NAT8L: variants seen among roughly 807,000 people sequenced by gnomAD.
NAT8L encodes aspartate N-acetyltransferase, also known as N-acetylaspartate synthetase.
In NAT8L, 6 loss-of-function variants were observed where a neutral mutation model predicts 21.2. The ratio of observed to expected loss-of-function variants is 0.28; its 90% CI spans 0.16 to 0.56. NAT8L has a LOEUF of 0.56. Ranked by LOEUF, NAT8L falls within the 20% of genes least tolerant of loss-of-function variation. NAT8L has a pLI of 0.93. For synonymous variants in NAT8L, 239 were observed against 204.9 expected, an observed-to-expected ratio of 1.17 and a Z score of -1.42; for missense variants, 331 against 433.3, an observed-to-expected ratio of 0.76 and a Z score of 2.10.
chr4:2,059,988 A>C lies in NAT8L; in HGVS notation c.376+101A>C. On this transcript the variant is annotated intron_variant, in intron 1 of 2. Transcript: ENST00000423729. The surrounding 1 kb of genome is among the most constrained non-coding windows in gnomAD (Gnocchi z 4.8). The stretch of plus-strand genomic sequence containing the variant: ...ACCCCGCGCCCGGCTCCCGGGGACC[A>C]GCCTGGGAAGCCCCCCGCTTTCTGC... 3.2e-6 allele frequency: 2 copies of C among 628,192 alleles called. No individual in the cohort carries two copies. Among genetic ancestry groups the C allele is most frequent in the Non-Finnish European group, 4.2e-6 (2 of 472,144 alleles). The allele number at this position is 628,192 out of a possible 1,614,324, so 38.9% of individuals were successfully genotyped here.
At chr4:2,061,941 T>G (rs926457560) in intron 2 of NAT8L, among the ~76,000 whole-genome samples, 1 of 152,144 alleles carries the variant, frequency 6.6e-6, no homozygotes, top group Non-Finnish European at 1.5e-5. Context: ...CTGGCACCGC[T>G]GGCTGCCATG....
intron 2 of NAT8L, among the ~76,000 whole-genome samples, chr4:2,062,653 T>C (rs1278293189): frequency 6.6e-6 from 1 of 152,028 alleles, no homozygotes; most frequent in Non-Finnish European, 1.5e-5. Context: ...GGGCCTTCAG[T>C]ACCCCTTTAG....
At chr4:2,063,214 G>C (rs1387857718) in intron 2 of NAT8L, among the ~76,000 whole-genome samples, 1 of 152,268 alleles carries the variant, frequency 6.6e-6, no homozygotes, top group African/African-American at 2.4e-5. Flanking sequence ...GCTGACCCCT[G>C]CCCTTTGCGG....
In NAT8L at chr4:2,059,389, G is replaced by T; in HGVS notation, c.-123G>T. The T allele has an allele frequency of 4.8e-6, 1 of 209,544 alleles. No individual in the cohort carries two copies. Among genetic ancestry groups the T allele is most frequent in the Non-Finnish European group, 8.0e-6 (1 of 125,074 alleles). The allele number at this position is 209,544 out of a possible 1,614,324, so 13.0% of individuals were successfully genotyped here. ...GCGCCCCTGAGCTGCCGCCGCCGCC[G>T]CCGCCGCTGCCGCCGCCGCCGCCGC... On this transcript the variant is annotated 5_prime_UTR_variant, in exon 1 of 3. Coordinates refer to ENST00000423729, the MANE Select transcript of NAT8L (RefSeq NM_178557.4). The surrounding 1 kb of genome is among the most constrained non-coding windows in gnomAD (Gnocchi z 4.8).
intron 2 of NAT8L, 51 bp from the exon 3 acceptor site, chr4:2,063,709 G>C (rs753159536): frequency 6.2e-7 from 1 of 1,603,084 alleles, no homozygotes; most frequent in Non-Finnish European, 8.5e-7. Flanking sequence ...AGGTGGAGGG[G>C]TCTCCCCAGC....
chr4:2,067,832 TA>T lies in NAT8L; in HGVS notation c.*3706del. 6.6e-6 allele frequency: 1 copy of T among 152,402 alleles called. No individual in the cohort carries two copies. Among genetic ancestry groups the T allele is most frequent in the African/African-American group, 2.4e-5 (1 of 41,582 alleles). 9.4% of individuals were successfully genotyped at this position (152,402 alleles called of 1,614,324 possible). A position where few individuals can be genotyped will look rare whatever the true frequency, so the allele number is the denominator to read the frequency against. Reference sequence around the variant, plus strand: ...ACCCTGTGTTGCCTGCTGACTTGCTTATGTCTGTTTGGAAGCTGCTTCTGTT... The same window carrying T: ...ACCCTGTGTTGCCTGCTGACTTGCTTTGTCTGTTTGGAAGCTGCTTCTGTT... On this transcript the variant is annotated 3_prime_UTR_variant, in exon 3 of 3. Coordinates refer to ENST00000423729, the MANE Select transcript of NAT8L (RefSeq NM_178557.4).
At chr4:2,061,200 A>T (rs565270755) in intron 2 of NAT8L, 38 bp downstream of exon 2, 1 of 1,609,042 alleles carries the variant, frequency 6.2e-7, no homozygotes, top group African/African-American at 1.3e-5. Flanking sequence ...CCTCCGCCCC[A>T]GACAGCCCTC....
rs1729968831 is a variant in NAT8L, at chr4:2,064,983, C to T, written c.*856C>T. 1 of 152,530 alleles carries T rather than the reference C, an allele frequency of 6.6e-6. No homozygotes were observed. The highest frequency in any genetic ancestry group is 1.5e-5 in the Non-Finnish European group (1 of 68,110). 9.4% of individuals were successfully genotyped at this position (152,530 alleles called of 1,614,324 possible). A position where few individuals can be genotyped will look rare whatever the true frequency, so the allele number is the denominator to read the frequency against. On this transcript the variant is annotated 3_prime_UTR_variant, in exon 3 of 3. Transcript: ENST00000423729. ...TCCTGCCTCTGGCTGACGGTCCACC[C>T]TGTGAATCTTATCAGCCCAGGCTGC...
chr4:2,062,409 C>G, intron 2 of NAT8L, among the ~76,000 whole-genome samples: 1 of 152,028 alleles, frequency 6.6e-6, no homozygotes, highest in African/African-American at 2.4e-5. Context: ...GGCAGGCCAG[C>G]TGGTGGGAGG....
At position 2,065,307 on chromosome 4, in the gene NAT8L, TC is replaced by T. The variant is rs1729975865; in HGVS notation, c.*1182del. 1 of 151,676 alleles carries T rather than the reference TC, an allele frequency of 6.6e-6. No individual in the cohort carries two copies. Among genetic ancestry groups the T allele is most frequent in the Non-Finnish European group, 1.5e-5 (1 of 68,002 alleles). 9.4% of individuals were successfully genotyped at this position (151,676 alleles called of 1,614,324 possible). ...GTGGGGGGCAAGGGAGTCCGCAGCC[TC>T]CGGGAGGAGGGGCAGGGCGCTGCCT... is the stretch of plus-strand genomic sequence containing the variant. On this transcript the variant is annotated 3_prime_UTR_variant, in exon 3 of 3. Coordinates refer to ENST00000423729, the MANE Select transcript of NAT8L (RefSeq NM_178557.4).
At position 2,062,618 on chromosome 4, in the gene NAT8L, C is replaced by G. The variant is rs982731690; in HGVS notation, c.542-1142C>G. 9.9e-5 allele frequency among the ~76,000 whole-genome samples: 15 copies of G among 151,800 alleles called. 1 individual carries two copies. The highest frequency in any genetic ancestry group is 3.6e-4 in the African/African-American group (15 of 41,192). On this transcript the variant is annotated intron_variant, in intron 2 of 2. Coordinates refer to ENST00000423729, the MANE Select transcript of NAT8L (RefSeq NM_178557.4). ...GCGATGGCAGCGGTGCCCAGTGGCT[C>G]CCCCCCACGCTGCTTCTCCTTGAAG... is the stretch of plus-strand genomic sequence containing the variant.
Position 2,061,154 on chromosome 4 carries a change from A to G in NAT8L, c.533A>G (p.Lys178Arg), listed in dbSNP as rs562996664. The G allele has an allele frequency of 1.2e-6, 2 of 1,610,622 alleles. No individual in the cohort carries two copies. The highest frequency in any genetic ancestry group is 2.2e-5 in the East Asian group (1 of 44,790). ...GCGGACATCGAGCAGTACTACATGAAGCCGCCCGGTGAGTCCCGCTCCCGC... is the reference window on the plus strand; with the variant it reads ...GCGGACATCGAGCAGTACTACATGAGGCCGCCCGGTGAGTCCCGCTCCCGC... ...DMADIEQYYM[K>R]PPGSCFWVAV... The change falls in exon 2 of 3, where the codon AAG (lysine) becomes AGG (arginine). Residue 178 changes from lysine to arginine, a missense_variant. Physicochemically the swap from Lys to Arg is conservative, Grantham distance 26. Coordinates refer to ENST00000423729, the MANE Select transcript of NAT8L (RefSeq NM_178557.4).
intron 2 of NAT8L, among the ~76,000 whole-genome samples, chr4:2,063,540 G>A (rs762902778): frequency 5.3e-5 from 8 of 152,212 alleles, no homozygotes; most frequent in Non-Finnish European, 1.2e-4. Flanking sequence ...AGCTCTGGAG[G>A]GGGGCTCTAC....
chr4:2,059,939 TCCCCCGCCCCGGCGTCCACGCGGAC>T lies in NAT8L; in HGVS notation c.376+56_376+80del. ...GCAGTCCCTCGGGCCGGCGCGGAGCTCCCCCGCCCCGGCGTCCACGCGGACCCCGCGCCCGGCTCCCGGGGACCAG... is the reference window on the plus strand; with the variant it reads ...GCAGTCCCTCGGGCCGGCGCGGAGCTCCCGCGCCCGGCTCCCGGGGACCAG... On this transcript the variant is annotated intron_variant, in intron 1 of 2. Transcript: ENST00000423729. The surrounding 1 kb of genome is among the most constrained non-coding windows in gnomAD (Gnocchi z 4.8). The T allele has an allele frequency of 9.6e-7, 1 of 1,038,574 alleles. No homozygotes were observed. Among genetic ancestry groups the T allele is most frequent in the Non-Finnish European group, 1.2e-6 (1 of 840,646 alleles). 64.3% of individuals were successfully genotyped at this position (1,038,574 alleles called of 1,614,324 possible).
chr4:2,059,774 A>G lies in NAT8L; in HGVS notation c.263A>G (p.Gln88Arg). ...ATCCGCGAGTTCCGTGCGGCCGAGC[A>G]GGAGGCGGCGCGCCGCATCTTCTAC... ...VCIREFRAAE[Q>R]EAARRIFYDG... Residue 88 changes from glutamine (Q) to arginine (R), a missense_variant, in exon 1 of 3, where the codon CAG becomes CGG. Coordinates refer to ENST00000423729, the MANE Select transcript of NAT8L (RefSeq NM_178557.4). The surrounding 1 kb of genome is among the most constrained non-coding windows in gnomAD (Gnocchi z 4.8). 2 of 1,341,168 alleles carry G rather than the reference A, an allele frequency of 1.5e-6. No homozygotes were observed. Among genetic ancestry groups the G allele is most frequent in the Admixed American group, 2.6e-5 (1 of 37,942 alleles). The allele number at this position is 1,341,168 out of a possible 1,614,324, so 83.1% of individuals were successfully genotyped here. A position where few individuals can be genotyped will look rare whatever the true frequency, so the allele number is the denominator to read the frequency against.
chr4:2,062,708 C>A (rs1258730300), intron 2 of NAT8L, among the ~76,000 whole-genome samples: 1 of 152,080 alleles, frequency 6.6e-6, no homozygotes, highest in African/African-American at 2.4e-5. Context: ...AGACAGAGGT[C>A]CCCTTCATGG....
intron 2 of NAT8L, among the ~76,000 whole-genome samples, chr4:2,061,451 G>T (rs1729888536): frequency 6.6e-6 from 1 of 152,222 alleles, no homozygotes; most frequent in Non-Finnish European, 1.5e-5. Context: ...TGGGGCAAGG[G>T]CCGCTGGGCT....
chr4:2,061,364 G>T (rs1034752362), intron 2 of NAT8L, among the ~76,000 whole-genome samples: 1 of 152,240 alleles, frequency 6.6e-6, no homozygotes, highest in African/African-American at 2.4e-5. Context: ...CTCCCGCTGA[G>T]TGACCTGAGC....
chr4:2,068,797 G>A lies in NAT8L; in HGVS notation c.*4670G>A, dbSNP rs1245228171. ...CCTCCCTGGCCCCTCTTGCCCCTCA[G>A]TGGAGCAGGGCCTGGGTGGAGGGCC... On this transcript the variant is annotated 3_prime_UTR_variant, in exon 3 of 3. Transcript: ENST00000423729. 2 of 152,208 alleles carry A rather than the reference G, an allele frequency of 1.3e-5. No individual in the cohort carries two copies. The highest frequency in any genetic ancestry group is 1.3e-4 in the Admixed American group (2 of 15,280). The allele number at this position is 152,208 out of a possible 1,614,324, so 9.4% of individuals were successfully genotyped here.
Sources: allele counts gnomAD v4.1 joint callset (sites outside exome capture counted in the v4.1 genomes callset), GRCh38; gene constraint gnomAD v4.1.1; non-coding constraint Gnocchi (gnomAD v3.1); transcripts MANE v1.5; gene names NCBI Gene and HGNC (gene_info 2026-07-23, HGNC 2026-07-21).